Variants in LRRC8B observed in about 807,000 individuals in gnomAD.
LRRC8B encodes the protein volume-regulated anion channel subunit LRRC8B.
Under a neutral mutation model 58.8 loss-of-function variants are expected in LRRC8B, and 23 were observed. The ratio of observed to expected loss-of-function variants is 0.39; its 90% CI spans 0.28 to 0.55. The LOEUF (loss-of-function observed/expected upper bound fraction) is 0.55, where lower values mean the gene tolerates loss of function less well. LRRC8B is among the 20% of genes least tolerant of loss of function. The pLI, the probability that LRRC8B is intolerant of heterozygous loss-of-function variation, is 0.62. For synonymous variants in LRRC8B, 359 were observed against 374.1 expected (o/e 0.96, Z 0.47); for missense variants, 694 against 936.0 (o/e 0.74, Z 3.37).
At chr1:89,574,474 A>G (rs1324623039) in intron 3 of LRRC8B, among the ~76,000 whole-genome samples, 4 of 152,218 alleles carry the variant, frequency 2.6e-5, no homozygotes, top group Non-Finnish European at 4.4e-5. Context: ...AAAGTCAGCA[A>G]GACCATGACC....
chr1:89,568,069 A>G (rs1653171472), intron 1 of LRRC8B, among the ~76,000 whole-genome samples, 178 bp from the exon 2 acceptor site: 1 of 152,162 alleles, frequency 6.6e-6, no homozygotes, highest in Non-Finnish European at 1.5e-5. Context: ...CCTATTTAAG[A>G]AGCATAGATA....
At chr1:89,575,199 A>G (rs1459637) in intron 3 of LRRC8B, among the ~76,000 whole-genome samples, 57,277 of 152,108 alleles carry the variant, frequency 0.38, 13,024 homozygotes, top group South Asian at 0.55. Context: ...CTATTGAAAG[A>G]TAGAGTCCAC....
At chr1:89,560,384 T>C (rs1652536635) in intron 1 of LRRC8B, among the ~76,000 whole-genome samples, 1 of 129,466 alleles carries the variant, frequency 7.7e-6, no homozygotes, top group Non-Finnish European at 1.8e-5. Flanking sequence ...TCTCATTTGG[T>C]ATATCTTTTT....
intron 1 of LRRC8B, among the ~76,000 whole-genome samples, chr1:89,529,220 T>C (rs1649926018): frequency 6.6e-6 from 1 of 152,190 alleles, no homozygotes; most frequent in African/African-American, 2.4e-5. Context: ...CCTTACTTCT[T>C]TTCCTTTAAT....
chr1:89,566,400 C>G (rs1034653072), intron 1 of LRRC8B, among the ~76,000 whole-genome samples: 4 of 152,222 alleles, frequency 2.6e-5, no homozygotes, highest in East Asian at 1.9e-4. Context: ...ATTTTTCAAA[C>G]TGATGAAATG....
At chr1:89,525,565 T>G (rs984151877) in intron 1 of LRRC8B, among the ~76,000 whole-genome samples, 47 of 152,232 alleles carry the variant, frequency 3.1e-4, no homozygotes, top group Admixed American at 2.9e-3. Context: ...GGTGGTGGTG[T>G]TGGGCGTTGA....
chr1:89,533,908 A>T (rs1263546740), intron 1 of LRRC8B, among the ~76,000 whole-genome samples: 1 of 152,252 alleles, frequency 6.6e-6, no homozygotes, highest in East Asian at 1.9e-4. Context: ...AAGGTACATT[A>T]TACATGCTGT....
At position 89,592,959 on chromosome 1, in the gene LRRC8B, C is replaced by G. The variant is rs374160584; in HGVS notation, c.2328C>G (p.Asn776Lys). The G allele has an allele frequency of 1.2e-6, 2 of 1,614,032 alleles. No individual in the cohort carries two copies. Among genetic ancestry groups the G allele is most frequent in the African/African-American group, 2.7e-5 (2 of 74,930 alleles). The change falls in exon 6 of 6, where the codon AAC becomes AAG. Residue 776 changes from asparagine to lysine, a missense_variant. Physicochemically the swap from Asn to Lys is moderately conservative, Grantham distance 94 (BLOSUM62 0). This residue lies in a region of LRRC8B where 139 missense variants were observed against 158.2 expected (regional missense o/e 0.88). Transcript: ENST00000330947. ...AAGGATGTCAGTCCCTAAAACGGAA[C>G]TGTCTGATTGTTGAGGAGAACTTGC... ...ELEGCQSLKRNCLIVEENLLN... is the reference protein window; with the variant it reads ...ELEGCQSLKRKCLIVEENLLN...
chr1:89,534,574 CAAT>C (rs1361556270), intron 1 of LRRC8B, among the ~76,000 whole-genome samples: 4 of 152,082 alleles, frequency 2.6e-5, no homozygotes, highest in African/African-American at 9.6e-5. Flanking sequence ...GTGCTTGTGA[CAAT>C]AAGGCTCTAA....
At position 89,582,956 on chromosome 1, in the gene LRRC8B, C is replaced by T; in HGVS notation, c.306C>T (p.Tyr102=). Residue 102 remains tyrosine (Y), a synonymous_variant, in exon 5 of 6, where the codon TAC becomes TAT. Transcript: ENST00000330947. ...AGAATGACCTCCACCGACAGCAGTACTCCTATATTGATGCCGTCTGTTACG... is the reference window on the plus strand; with the variant it reads ...AGAATGACCTCCACCGACAGCAGTATTCCTATATTGATGCCGTCTGTTACG... ...RIQNDLHRQQ[Y]SYIDAVCYEK... The T allele has an allele frequency of 6.2e-7, 1 of 1,614,232 alleles. No homozygotes were observed. Among genetic ancestry groups the T allele is most frequent in the South Asian group, 1.1e-5 (1 of 91,084 alleles).
chr1:89,549,743 G>A (rs1344125245), intron 1 of LRRC8B, among the ~76,000 whole-genome samples: 2 of 152,168 alleles, frequency 1.3e-5, no homozygotes, highest in African/African-American at 4.8e-5. Flanking sequence ...ATTCTGGAAG[G>A]AAGGTATTAA....
At position 89,593,853 on chromosome 1, in the gene LRRC8B, G is replaced by T. The variant is rs939466061; in HGVS notation, c.*810G>T. 1 of 152,094 alleles carries T rather than the reference G, an allele frequency of 6.6e-6. No individual in the cohort carries two copies. The highest frequency in any genetic ancestry group is 1.5e-5 in the Non-Finnish European group (1 of 68,016). 9.4% of individuals were successfully genotyped at this position (152,094 alleles called of 1,614,324 possible). On this transcript the variant is annotated 3_prime_UTR_variant, in exon 6 of 6. Transcript: ENST00000330947. ...TTTTTAGATAGGGTATGTTGTGCTT[G>T]GCAGAATTCTTTTTTGGCTTAATTT...
rs975879054 is a variant in LRRC8B at position 89,595,940 on chromosome 1, G to A, written c.*2897G>A. 1 of 152,024 alleles carries A rather than the reference G, an allele frequency of 6.6e-6. No homozygotes were observed. Among genetic ancestry groups the A allele is most frequent in the African/African-American group, 2.4e-5 (1 of 41,400 alleles). 9.4% of individuals were successfully genotyped at this position (152,024 alleles called of 1,614,324 possible). A position where few individuals can be genotyped will look rare whatever the true frequency, so the allele number is the denominator to read the frequency against. On this transcript the variant is annotated 3_prime_UTR_variant, in exon 6 of 6. Coordinates refer to ENST00000330947, the MANE Select transcript of LRRC8B (RefSeq NM_001369817.2). ...AAAAAATAAATGTGGAGGTTATTCA[G>A]AACAAAATTCATAGCTTACGGTAGT...
chr1:89,596,260 AT>A lies in LRRC8B; in HGVS notation c.*3218del, dbSNP rs1304111888. The stretch of plus-strand genomic sequence containing the variant: ...CTTTTCCTAACTTACATCAGGGTAC[AT>A]CTGTGTGGCACACAGATACTATCTT... On this transcript the variant is annotated 3_prime_UTR_variant, in exon 6 of 6. Coordinates refer to ENST00000330947, the MANE Select transcript of LRRC8B (RefSeq NM_001369817.2). 1 of 152,152 alleles carries A rather than the reference AT, an allele frequency of 6.6e-6. No individual in the cohort carries two copies. Among genetic ancestry groups the A allele is most frequent in the African/African-American group, 2.4e-5 (1 of 41,458 alleles). The allele number at this position is 152,152 out of a possible 1,614,324, so 9.4% of individuals were successfully genotyped here.
At chr1:89,543,357 T>C (rs1240659304) in intron 1 of LRRC8B, among the ~76,000 whole-genome samples, 2 of 152,210 alleles carry the variant, frequency 1.3e-5, no homozygotes, top group African/African-American at 2.4e-5. Context: ...ATTTCATTTG[T>C]TAGGAGTCTA....
intron 1 of LRRC8B, chr1:89,549,954 T>C (rs1047516420): frequency 6.6e-6 from 1 of 152,186 alleles, no homozygotes; most frequent in Non-Finnish European, 1.5e-5. Context: ...TAGACCTCAC[T>C]ACCTGGATGG....
At chr1:89,551,471 T>A (rs766401524) in intron 1 of LRRC8B, among the ~76,000 whole-genome samples, 6 of 152,232 alleles carry the variant, frequency 3.9e-5, no homozygotes, top group Non-Finnish European at 8.8e-5. Context: ...CACTATTTAA[T>A]CCTTCATTTT....
chr1:89,592,751 C>T lies in LRRC8B; in HGVS notation c.2140-20C>T. On this transcript the variant is annotated intron_variant, in intron 5 of 5. Coordinates refer to ENST00000330947, the MANE Select transcript of LRRC8B (RefSeq NM_001369817.2). ...CACCAAAAACCTATTTTACCAGCTTCTTTTTTCTTCCCTTTCCAGATTGAG... is the reference window on the plus strand; with the variant it reads ...CACCAAAAACCTATTTTACCAGCTTTTTTTTTCTTCCCTTTCCAGATTGAG... 3 of 1,584,910 alleles carry T rather than the reference C, an allele frequency of 1.9e-6. No homozygotes were observed. Among genetic ancestry groups the T allele is most frequent in the East Asian group, 2.3e-5 (1 of 43,786 alleles).
At chr1:89,587,360 C>G (rs1355777415) in intron 5 of LRRC8B, among the ~76,000 whole-genome samples, 1 of 151,980 alleles carries the variant, frequency 6.6e-6, no homozygotes, top group Non-Finnish European at 1.5e-5. Context: ...ATGGTGAAAC[C>G]CCATCTCTAC....
Sources: allele counts gnomAD v4.1 joint callset (sites outside exome capture counted in the v4.1 genomes callset), GRCh38; gene constraint gnomAD v4.1.1; regional missense constraint gnomAD v4.1.1; transcripts MANE v1.5; gene names NCBI Gene and HGNC (gene_info 2026-07-23, HGNC 2026-07-21).